Variants in AGBL1 observed in about 807,000 individuals in gnomAD.
AGBL1 encodes cytosolic carboxypeptidase 4.
Under a neutral mutation model 118.9 loss-of-function variants are expected in AGBL1, and 130 were observed. The ratio of observed to expected loss-of-function variants is 1.09; its 90% CI spans 0.95 to 1.26. The LOEUF (loss-of-function observed/expected upper bound fraction) is 1.26, where lower values mean the gene tolerates loss of function less well. Among genes scored for constraint, AGBL1 ranks in the 50% most tolerant of loss-of-function variants. The pLI is 0.00. For missense variants in AGBL1, 1,584 were observed against 1,298.1 expected (o/e 1.22, Z -3.38); for synonymous variants, 555 against 478.9 (o/e 1.16, Z -2.08).
At chr15:86,456,209 G>A (rs1385435997) in intron 18 of AGBL1, among the ~76,000 whole-genome samples, 1 of 152,180 alleles carries the variant, frequency 6.6e-6, no homozygotes, top group East Asian at 1.9e-4. Context: ...GCCAATCTGA[G>A]TTGGGTAAAT....
At chr15:86,667,202 CTATGTATGTATCTATGTATGTATG>C (rs150127806) in intron 21 of AGBL1, among the ~76,000 whole-genome samples, 2,298 of 130,742 alleles carry the variant, frequency 0.018, 56 homozygotes, top group African/African-American at 0.052. Context: ...ATTGAGATAT[CTATGTATGTATCTATGTATGTATG>C]TATGTATGTA....
At chr15:86,526,823 C>T (rs896302514) in intron 19 of AGBL1, among the ~76,000 whole-genome samples, 5 of 151,734 alleles carry the variant, frequency 3.3e-5, no homozygotes, top group African/African-American at 1.2e-4. Context: ...GGCATACAGA[C>T]TGGTATAATG....
intron 17 of AGBL1, among the ~76,000 whole-genome samples, chr15:86,327,427 C>T (rs886716093): frequency 6.6e-6 from 1 of 152,184 alleles, no homozygotes; most frequent in African/African-American, 2.4e-5. Context: ...ACATCTCTGA[C>T]TCATTCTCTG....
intron 22 of AGBL1, among the ~76,000 whole-genome samples, chr15:86,705,141 T>TG (rs1009248540): frequency 5.9e-5 from 9 of 151,900 alleles, no homozygotes; most frequent in African/African-American, 2.2e-4. Flanking sequence ...CAGTGGCTGG[T>TG]GGGGGGCAAG....
chr15:86,856,888 G>A (rs1202459324), intron 22 of AGBL1, among the ~76,000 whole-genome samples: 1 of 152,186 alleles, frequency 6.6e-6, no homozygotes, highest in Non-Finnish European at 1.5e-5. Flanking sequence ...GCTCCAAGTG[G>A]TGAAGCTAAT....
At chr15:86,762,413 G>A (rs574975012) in intron 22 of AGBL1, among the ~76,000 whole-genome samples, 32 of 151,938 alleles carry the variant, frequency 2.1e-4, no homozygotes, top group African/African-American at 4.8e-4. Flanking sequence ...AAAGATGAGC[G>A]TCCTAACAAG....
At chr15:86,389,947 TTTGAC>T (rs1437124916) in intron 17 of AGBL1, among the ~76,000 whole-genome samples, 2 of 152,096 alleles carry the variant, frequency 1.3e-5, no homozygotes, top group Non-Finnish European at 2.9e-5. Flanking sequence ...AAATGGAAAT[TTTGAC>T]TAAATGCTTC....
chr15:86,730,697 G>A lies in AGBL1; in HGVS notation c.3158+56261G>A, dbSNP rs375756784. 1.1e-4 allele frequency among the ~76,000 whole-genome samples: 16 copies of A among 152,122 alleles called. No homozygotes were observed. In the East Asian group the frequency reaches 1.7e-3, roughly 17 times the overall value. Reference sequence around the variant, plus strand: ...GCAATAATGATAGTTATTACAAACTGCTTGGAAAAAAATAAGAATGCATGG... The same window carrying A: ...GCAATAATGATAGTTATTACAAACTACTTGGAAAAAAATAAGAATGCATGG... On this transcript the variant is annotated intron_variant, in intron 22 of 22. Coordinates refer to ENST00000614907, the MANE Select transcript of AGBL1 (RefSeq NM_001386094.1).
At chr15:86,694,818 T>C (rs769621714) in intron 22 of AGBL1, among the ~76,000 whole-genome samples, 11 of 152,140 alleles carry the variant, frequency 7.2e-5, no homozygotes, top group Non-Finnish European at 1.2e-4. Flanking sequence ...TGCTGGATTT[T>C]GTCAAATACT....
chr15:86,157,381 G>T (rs955096694), intron 4 of AGBL1, among the ~76,000 whole-genome samples: 1 of 152,160 alleles, frequency 6.6e-6, no homozygotes, highest in South Asian at 2.1e-4. Flanking sequence ...TTTGCAGTGT[G>T]CCAGCAGAGC....
At chr15:86,104,108 G>A (rs149652169) in intron 1 of AGBL1, among the ~76,000 whole-genome samples, 8 of 152,320 alleles carry the variant, frequency 5.3e-5, no homozygotes, top group East Asian at 1.9e-4. Flanking sequence ...AATCCCATGA[G>A]AGGAGTGCTC....
intron 22 of AGBL1, among the ~76,000 whole-genome samples, chr15:86,684,869 A>G (rs922754291): frequency 2.6e-5 from 4 of 152,178 alleles, no homozygotes; most frequent in African/African-American, 9.7e-5. Flanking sequence ...CCTGAATTCA[A>G]GATACAAAAG....
At chr15:86,510,545 G>T (rs1472102747) in intron 18 of AGBL1, among the ~76,000 whole-genome samples, 1 of 152,024 alleles carries the variant, frequency 6.6e-6, no homozygotes, top group African/African-American at 2.4e-5. Context: ...TTGCAGTAGG[G>T]ATAGAAGACT....
chr15:86,949,357 C>T (rs569720726), intron 23 of AGBL1, among the ~76,000 whole-genome samples: 1 of 151,986 alleles, frequency 6.6e-6, no homozygotes, highest in Non-Finnish European at 1.5e-5. Flanking sequence ...GAAACTGTAG[C>T]GAGGTATGCC....
chr15:86,266,337 G>A, intron 11 of AGBL1, 37 bp from the exon 12 acceptor site: 1 of 1,507,872 alleles, frequency 6.6e-7, no homozygotes, highest in African/African-American at 1.4e-5. Flanking sequence ...AGGGAGAGAA[G>A]GCCGACCCTT....
intron 17 of AGBL1, among the ~76,000 whole-genome samples, chr15:86,368,465 T>A (rs2141937795): frequency 6.6e-6 from 1 of 152,298 alleles, no homozygotes; most frequent in East Asian, 1.9e-4. Flanking sequence ...AGTTACTACA[T>A]TTAGGATGCT....
chr15:86,665,878 A>G lies in AGBL1; in HGVS notation c.2995-8395A>G, dbSNP rs183901790. On this transcript the variant is annotated intron_variant, in intron 21 of 22. Transcript: ENST00000614907. ...TGTTGCCTGAAGGGCTCCTTTGTCA[A>G]CTACAAACTTATTTACCCCAAGATT... 2.4e-4 allele frequency among the ~76,000 whole-genome samples: 37 copies of G among 152,062 alleles called. 1 individual carries two copies. In the East Asian group the frequency reaches 5.6e-3, roughly 23 times the overall value.
At chr15:86,818,210 C>A (rs868588311) in intron 22 of AGBL1, among the ~76,000 whole-genome samples, 2 of 152,244 alleles carry the variant, frequency 1.3e-5, no homozygotes, top group Middle Eastern at 6.8e-3. Context: ...TAACACATTT[C>A]TGTTGTTTTA....
intron 1 of AGBL1, among the ~76,000 whole-genome samples, chr15:86,108,592 T>C (rs886274783): frequency 1.8e-4 from 27 of 152,182 alleles, no homozygotes; most frequent in African/African-American, 6.3e-4. Context: ...CCAGTTTCTC[T>C]TCTTGTAAAA....
Sources: allele counts gnomAD v4.1 joint callset (sites outside exome capture counted in the v4.1 genomes callset), GRCh38; gene constraint gnomAD v4.1.1; transcripts MANE v1.5; gene names NCBI Gene and HGNC (gene_info 2026-07-23, HGNC 2026-07-21).